The following SLC5A4 variants were observed in gnomAD, a reference collection of about 807,000 sequenced individuals.
The protein encoded by SLC5A4 is solute carrier family 5 member 4, also known as probable glucose sensor protein SLC5A4.
Under a neutral mutation model 70.3 loss-of-function variants are expected in SLC5A4, and 55 were observed. That is an observed-to-expected ratio of 0.78 (90% CI 0.63 to 0.98). The LOEUF (loss-of-function observed/expected upper bound fraction) is 0.98, where lower values mean the gene tolerates loss of function less well. SLC5A4 is among the 50% of genes least tolerant of loss of function. SLC5A4 has a pLI of 0.00. For missense variants in SLC5A4, 735 were observed against 839.2 expected (o/e 0.88, Z 1.53); for synonymous variants, 268 against 305.7 (o/e 0.88, Z 1.29).
chr22:32,332,530 G>T, the SLC5A4 span, among the ~76,000 whole-genome samples: 1 of 152,206 alleles, frequency 6.6e-6, no homozygotes, highest in Non-Finnish European at 1.5e-5. Flanking sequence ...CCCAGCTGAG[G>T]GCCTGTCCTT....
At chr22:32,271,439 C>T in the SLC5A4 span, 20 of 765,972 alleles carry the variant, frequency 2.6e-5, no homozygotes, top group Middle Eastern at 4.7e-4. Flanking sequence ...CCTTCCCCCA[C>T]GACTCTCGGC....
the SLC5A4 span, among the ~76,000 whole-genome samples, chr22:32,344,755 A>T: frequency 6.6e-6 from 1 of 152,184 alleles, no homozygotes; most frequent in African/African-American, 2.4e-5. Context: ...AATACAGTAT[A>T]TTTTACAGTT....
At chr22:32,326,926 G>A in the SLC5A4 span, among the ~76,000 whole-genome samples, 1 of 152,106 alleles carries the variant, frequency 6.6e-6, no homozygotes, top group Non-Finnish European at 1.5e-5. Flanking sequence ...GTGCCTCTGG[G>A]AACTGGAGCA....
the SLC5A4 span, among the ~76,000 whole-genome samples, chr22:32,302,220 G>A: frequency 1.8e-3 from 268 of 148,678 alleles, no homozygotes; most frequent in African/African-American, 6.4e-3. Flanking sequence ...TACTTTGATT[G>A]TTTTTGTCTT....
At chr22:32,298,229 G>C in the SLC5A4 span, among the ~76,000 whole-genome samples, 1 of 138,578 alleles carries the variant, frequency 7.2e-6, no homozygotes, top group South Asian at 2.5e-4. Context: ...CTGTCTCGTT[G>C]ATCTGTCTAA....
the SLC5A4 span, among the ~76,000 whole-genome samples, chr22:32,344,622 C>A: frequency 6.6e-6 from 1 of 152,028 alleles, no homozygotes; most frequent in Non-Finnish European, 1.5e-5. Flanking sequence ...TAGCGATTGG[C>A]AGATTTTAAT....
the SLC5A4 span, among the ~76,000 whole-genome samples, chr22:32,314,371 G>T: frequency 1.3e-5 from 2 of 152,178 alleles, no homozygotes; most frequent in African/African-American, 4.8e-5. Context: ...TTGCTGCATT[G>T]CCAGGGCCTA....
the SLC5A4 span, among the ~76,000 whole-genome samples, chr22:32,330,561 C>T: frequency 1.2e-5 from 1 of 85,924 alleles, no homozygotes; most frequent in African/African-American, 4.8e-5. Flanking sequence ...ATGTTTTGGG[C>T]TCTGTGTGTG....
chr22:32,238,300 T>C (rs1005850150), intron 6 of SLC5A4, among the ~76,000 whole-genome samples: 4 of 152,176 alleles, frequency 2.6e-5, no homozygotes, highest in Non-Finnish European at 5.9e-5. Flanking sequence ...AATCCCTCAC[T>C]ATTCCCGAAG....
the SLC5A4 span, among the ~76,000 whole-genome samples, chr22:32,325,527 GGGGT>G: frequency 1.3e-5 from 2 of 152,242 alleles, no homozygotes; most frequent in South Asian, 4.1e-4. Context: ...GCTCCCGGCA[GGGGT>G]GAGTATGGAG....
rs1289886857 is a variant in SLC5A4 at position 32,247,331 on chromosome 22, A to G, written c.477+80T>C. On this transcript the variant is annotated intron_variant, in intron 5 of 14. Transcript: ENST00000266086. ...TTTAAAGGCTGTTGACAGTCTACACATCCAGCTCTCTGATATTAGCACTCT... is the reference window on the plus strand; with the variant it reads ...TTTAAAGGCTGTTGACAGTCTACACGTCCAGCTCTCTGATATTAGCACTCT... 3 of 813,440 alleles carry G rather than the reference A, an allele frequency of 3.7e-6. No individual in the cohort carries two copies. The African/African-American group carries it at 5.0e-5, about 14-fold the overall frequency. The allele number at this position is 813,440 out of a possible 1,614,324, so 50.4% of individuals were successfully genotyped here. A position where few individuals can be genotyped will look rare whatever the true frequency, so the allele number is the denominator to read the frequency against.
the SLC5A4 span, among the ~76,000 whole-genome samples, chr22:32,332,249 T>G: frequency 6.6e-6 from 1 of 152,222 alleles, no homozygotes; most frequent in Non-Finnish European, 1.5e-5. Context: ...CATCTCACCA[T>G]GGCCCTGCAC....
chr22:32,234,376 A>G (rs1856342592), intron 8 of SLC5A4, among the ~76,000 whole-genome samples: 1 of 152,152 alleles, frequency 6.6e-6, no homozygotes, highest in South Asian at 2.1e-4. Context: ...CCATGCAGCT[A>G]TTTTTAAATA....
chr22:32,315,576 T>C, the SLC5A4 span, among the ~76,000 whole-genome samples: 4 of 152,084 alleles, frequency 2.6e-5, no homozygotes, highest in African/African-American at 9.7e-5. Context: ...TGTCATATTA[T>C]AATTATGAAG....
At chr22:32,290,593 C>A in the SLC5A4 span, among the ~76,000 whole-genome samples, 2 of 152,198 alleles carry the variant, frequency 1.3e-5, no homozygotes, top group African/African-American at 4.8e-5. Context: ...GTTGCTGTGA[C>A]AAAATACCTC....
At chr22:32,305,770 G>A in the SLC5A4 span, among the ~76,000 whole-genome samples, 750 of 151,466 alleles carry the variant, frequency 5.0e-3, 3 homozygotes, top group Non-Finnish European at 8.5e-3. Flanking sequence ...TGAGAAACAA[G>A]AGGCACATGG....
the SLC5A4 span, among the ~76,000 whole-genome samples, chr22:32,339,116 G>A: frequency 1.5e-3 from 236 of 152,276 alleles, 1 homozygote; most frequent in African/African-American, 5.4e-3. Flanking sequence ...TTCAATAGGA[G>A]AATAAAATCA....
At chr22:32,245,172 C>T (rs957120012) in intron 5 of SLC5A4, among the ~76,000 whole-genome samples, 2 of 152,104 alleles carry the variant, frequency 1.3e-5, no homozygotes, top group Admixed American at 6.5e-5. Flanking sequence ...CGTCTCATAA[C>T]GATCTGTTTA....
At chr22:32,307,528 T>C in the SLC5A4 span, among the ~76,000 whole-genome samples, 1 of 152,188 alleles carries the variant, frequency 6.6e-6, no homozygotes, top group Non-Finnish European at 1.5e-5. Flanking sequence ...GGCAAGTGTC[T>C]GTTGAATAGG....
Sources: allele counts gnomAD v4.1 joint callset (sites outside exome capture counted in the v4.1 genomes callset), GRCh38; gene constraint gnomAD v4.1.1; transcripts MANE v1.5; gene names NCBI Gene and HGNC (gene_info 2026-07-23, HGNC 2026-07-21).